SDK1: variants seen among roughly 807,000 people sequenced by gnomAD.
The protein encoded by SDK1 is sidekick cell adhesion molecule 1, also known as protein sidekick-1.
Under a neutral mutation model 245.5 loss-of-function variants are expected in SDK1, and 157 were observed. That is an observed-to-expected ratio of 0.64 (90% CI 0.56 to 0.73). The LOEUF (loss-of-function observed/expected upper bound fraction) is 0.73. Among genes scored for constraint, SDK1 ranks in the 30% least tolerant of loss-of-function variants. SDK1 has a pLI of 0.00. For synonymous variants in SDK1, 1,647 were observed against 1,278.5 expected (o/e 1.29, Z -6.15); for missense variants, 3,583 against 3,002.3 (o/e 1.19, Z -4.52).
intron 29 of SDK1, among the ~76,000 whole-genome samples, chr7:4,146,749 C>T (rs549919677): frequency 6.6e-5 from 10 of 152,370 alleles, no homozygotes; most frequent in Non-Finnish European, 1.2e-4. Context: ...GCGAGCAGGG[C>T]TCTGCTCCAC....
intron 26 of SDK1, among the ~76,000 whole-genome samples, chr7:4,128,667 G>C (rs376506575): frequency 1.9e-4 from 25 of 128,886 alleles, no homozygotes; most frequent in East Asian, 1.1e-3. Context: ...GGGGTGGGGT[G>C]CCCTGGAATA....
intron 4 of SDK1, among the ~76,000 whole-genome samples, chr7:3,792,074 G>A (rs1781111351): frequency 6.6e-6 from 1 of 152,056 alleles, no homozygotes; most frequent in Non-Finnish European, 1.5e-5. Flanking sequence ...GCTGCAGTGA[G>A]TTATGAGTGC....
chr7:4,172,349 G>C (rs1038774057), intron 32 of SDK1, among the ~76,000 whole-genome samples: 1 of 152,194 alleles, frequency 6.6e-6, no homozygotes, highest in Non-Finnish European at 1.5e-5. Flanking sequence ...GCATGCGTGA[G>C]TGTTGAACGC....
chr7:4,200,984 G>A (rs577412690), intron 35 of SDK1, among the ~76,000 whole-genome samples: 11 of 152,310 alleles, frequency 7.2e-5, no homozygotes, highest in South Asian at 6.2e-4. Flanking sequence ...AAGTCCTTAC[G>A]TCCCTCAGCT....
intron 5 of SDK1, among the ~76,000 whole-genome samples, chr7:3,823,102 G>A (rs1288363730): frequency 2.0e-5 from 3 of 152,200 alleles, no homozygotes; most frequent in African/African-American, 4.8e-5. Context: ...TGGATTAGGG[G>A]TGGGGTTCAC....
chr7:3,441,911 T>C (rs1372732267), intron 1 of SDK1, among the ~76,000 whole-genome samples: 1 of 152,198 alleles, frequency 6.6e-6, no homozygotes, highest in African/African-American at 2.4e-5. Context: ...AATTGGTCTT[T>C]TTGCTTGATT....
At chr7:3,332,582 A>G (rs1294508370) in intron 1 of SDK1, among the ~76,000 whole-genome samples, 1 of 152,178 alleles carries the variant, frequency 6.6e-6, no homozygotes, top group Non-Finnish European at 1.5e-5. Flanking sequence ...ATTTATAATA[A>G]ATGTAAATGG....
chr7:3,940,644 G>A (rs1024966610), intron 5 of SDK1, among the ~76,000 whole-genome samples: 1 of 151,874 alleles, frequency 6.6e-6, no homozygotes, highest in Non-Finnish European at 1.5e-5. Context: ...GCAACACGAT[G>A]AAACCCCGTC....
At chr7:3,670,608 A>G (rs1783668920) in intron 4 of SDK1, among the ~76,000 whole-genome samples, 1 of 152,290 alleles carries the variant, frequency 6.6e-6, no homozygotes, top group African/African-American at 2.4e-5. Context: ...GACAGTTAAT[A>G]AGCCCCCAGT....
intron 7 of SDK1, 61 bp from the exon 8 acceptor site, chr7:3,958,870 A>T (rs892642414): frequency 7.7e-7 from 1 of 1,301,464 alleles, no homozygotes; most frequent in Non-Finnish European, 1.1e-6. Flanking sequence ...ATCTTAGGTT[A>T]TATGGTCTCT....
chr7:4,155,835 G>A (rs907535744), intron 30 of SDK1, among the ~76,000 whole-genome samples: 4 of 152,058 alleles, frequency 2.6e-5, no homozygotes, highest in Admixed American at 6.5e-5. Flanking sequence ...AGGCCGACTC[G>A]GTCCCTGTCC....
In SDK1 at chr7:3,573,292, G is replaced by A. The variant is rs1428756165; in HGVS notation, c.299-45788G>A. Among the ~76,000 whole-genome samples, 5 of 152,162 alleles carry A rather than the reference G, an allele frequency of 3.3e-5. 1 individual carries two copies. The highest frequency in any genetic ancestry group is 5.9e-5 in the Non-Finnish European group (4 of 67,984). ...GAGCTGAGCAAGGGACTGACAGTAT[G>A]GCCTGCACAGGCAGAAGAACACATG... On this transcript the variant is annotated intron_variant, in intron 1 of 44. Transcript: ENST00000404826.
At chr7:3,596,737 C>T (rs1272515390) in intron 1 of SDK1, among the ~76,000 whole-genome samples, 1 of 152,112 alleles carries the variant, frequency 6.6e-6, no homozygotes, top group Non-Finnish European at 1.5e-5. Flanking sequence ...GGAAATTTAG[C>T]AGAGTTTAAT....
chr7:3,932,109 G>C (rs1357685157), intron 5 of SDK1, among the ~76,000 whole-genome samples: 1 of 152,124 alleles, frequency 6.6e-6, no homozygotes, highest in East Asian at 1.9e-4. Flanking sequence ...TAATATATTT[G>C]AACAATCACA....
At chr7:3,385,052 C>A (rs1781576767) in intron 1 of SDK1, among the ~76,000 whole-genome samples, 1 of 152,052 alleles carries the variant, frequency 6.6e-6, no homozygotes, top group African/African-American at 2.4e-5. Context: ...CAAACACAAA[C>A]AGTTTGTCAG....
chr7:3,968,726 A>G (rs911921094), intron 10 of SDK1, among the ~76,000 whole-genome samples: 3 of 152,234 alleles, frequency 2.0e-5, no homozygotes, highest in East Asian at 1.9e-4. Context: ...GGTTTTTGTT[A>G]TTCTAAACAG....
At chr7:4,202,773 C>T (rs554139332) in intron 35 of SDK1, among the ~76,000 whole-genome samples, 2 of 152,158 alleles carry the variant, frequency 1.3e-5, no homozygotes, top group South Asian at 4.1e-4. Flanking sequence ...GTTTTTTTCT[C>T]CTGAGATTTG....
At chr7:3,477,650 G>T (rs1431165342) in intron 1 of SDK1, among the ~76,000 whole-genome samples, 2 of 151,384 alleles carry the variant, frequency 1.3e-5, no homozygotes, top group Non-Finnish European at 2.9e-5. Context: ...TAGTAGCTGG[G>T]ACTTCAGCAC....
chr7:3,597,327 C>G (rs1049552084), intron 1 of SDK1, among the ~76,000 whole-genome samples: 1 of 149,500 alleles, frequency 6.7e-6, no homozygotes, highest in African/African-American at 2.5e-5. Flanking sequence ...TATCTAGTTA[C>G]AGTTCACTTT....
Sources: allele counts gnomAD v4.1 joint callset (sites outside exome capture counted in the v4.1 genomes callset), GRCh38; gene constraint gnomAD v4.1.1; transcripts MANE v1.5; gene names NCBI Gene and HGNC (gene_info 2026-07-23, HGNC 2026-07-21).